STRADB: variants seen among roughly 807,000 people sequenced by gnomAD.
STRADB encodes STE20-related kinase adapter protein beta.
Under a neutral mutation model 52.1 loss-of-function variants are expected in STRADB, and 34 were observed. The ratio of observed to expected loss-of-function variants is 0.65; its 90% CI spans 0.50 to 0.87. STRADB has a LOEUF of 0.87. Ranked by LOEUF, STRADB falls within the 40% of genes least tolerant of loss-of-function variation. STRADB has a pLI of 0.00. For missense variants in STRADB, 340 were observed against 483.9 expected, an observed-to-expected ratio of 0.70 and a Z score of 2.79; for synonymous variants, 133 against 174.5, an observed-to-expected ratio of 0.76 and a Z score of 1.87.
intron 2 of STRADB, among the ~76,000 whole-genome samples, chr2:201,458,080 T>G (rs1952154846): frequency 6.6e-6 from 1 of 152,190 alleles, no homozygotes; most frequent in Non-Finnish European, 1.5e-5. Context: ...TATAAAAGCC[T>G]CTCATACAAT....
chr2:201,474,016 G>T (rs549157437), intron 5 of STRADB, among the ~76,000 whole-genome samples: 1 of 150,616 alleles, frequency 6.6e-6, no homozygotes. Context: ...CCAGCCTCCC[G>T]AGTAGCTGGG....
chr2:201,469,496 T>C (rs1280715363), intron 3 of STRADB, among the ~76,000 whole-genome samples: 1 of 152,202 alleles, frequency 6.6e-6, no homozygotes, highest in Non-Finnish European at 1.5e-5. Context: ...GCAATTTTAA[T>C]AGGCTGCAGT....
In STRADB at chr2:201,474,520, T is replaced by C. The variant is rs998417285; in HGVS notation, c.316-127T>C. 3 of 661,462 alleles carry C rather than the reference T, an allele frequency of 4.5e-6. No homozygotes were observed. In the African/African-American group the frequency reaches 5.7e-5, roughly 13 times the overall value. The allele number at this position is 661,462 out of a possible 1,614,324, so 41.0% of individuals were successfully genotyped here. On this transcript the variant is annotated intron_variant, in intron 5 of 11. Transcript: ENST00000194530. ...GGAGTGGTTGTGAGATTTAAATAGA[T>C]AAAAGCACTAAGAACAGTGCTTTCA... is the stretch of plus-strand genomic sequence containing the variant.
At chr2:201,453,674 T>G (rs113529877) in intron 1 of STRADB, among the ~76,000 whole-genome samples, 1 of 152,238 alleles carries the variant, frequency 6.6e-6, no homozygotes, top group African/African-American at 2.4e-5. Context: ...ATCAGTACAT[T>G]TGAGTGTACC....
chr2:201,462,507 C>A (rs1250568394), intron 3 of STRADB, among the ~76,000 whole-genome samples: 1 of 151,924 alleles, frequency 6.6e-6, no homozygotes, highest in African/African-American at 2.4e-5. Flanking sequence ...TTTTCTCTGG[C>A]AGTATGTTTT....
At chr2:201,471,393 C>T (rs1329045210) in intron 4 of STRADB, among the ~76,000 whole-genome samples, 1 of 152,188 alleles carries the variant, frequency 6.6e-6, no homozygotes, top group Non-Finnish European at 1.5e-5. Context: ...ACAACCTACC[C>T]TCCTTATTAC....
Position 201,478,089 on chromosome 2 carries a change from T to C in STRADB, c.723T>C (p.Asp241=). 1 of 1,605,844 alleles carries C rather than the reference T, an allele frequency of 6.2e-7. No homozygotes were observed. Among genetic ancestry groups the C allele is most frequent in the Non-Finnish European group, 8.5e-7 (1 of 1,177,076 alleles). Residue 241 remains aspartate (D), a splice_region_variant and synonymous_variant, in exon 9 of 12, where the codon GAT becomes GAC. Transcript: ENST00000194530. ...PWLSPELLRQ[D]LHGYNVKSDI... Reference sequence around the variant, plus strand: ...TTCAAATTAATTGTGTCCTACAGGATTTACATGGGTATAATGTGAAGTCAG... The same window carrying C: ...TTCAAATTAATTGTGTCCTACAGGACTTACATGGGTATAATGTGAAGTCAG...
At chr2:201,476,699 G>T (rs1952477783) in intron 7 of STRADB, among the ~76,000 whole-genome samples, 1 of 151,558 alleles carries the variant, frequency 6.6e-6, no homozygotes, top group Non-Finnish European at 1.5e-5. Context: ...AATTGGCCAG[G>T]CATGGTGGCT....
chr2:201,464,100 T>C (rs1315251107), intron 3 of STRADB, among the ~76,000 whole-genome samples: 1 of 152,104 alleles, frequency 6.6e-6, no homozygotes, highest in East Asian at 1.9e-4. Flanking sequence ...CTTTGCTCAT[T>C]TGGTGAAATC....
chr2:201,473,921 T>G (rs1006110271), intron 5 of STRADB, among the ~76,000 whole-genome samples: 33 of 150,456 alleles, frequency 2.2e-4, no homozygotes, highest in African/African-American at 8.1e-4. Context: ...GACGGAGTCT[T>G]GCTCAGTCGC....
chr2:201,479,543 TA>T lies in STRADB; in HGVS notation c.1113+13del. On this transcript the variant is annotated intron_variant, in intron 11 of 11. Coordinates refer to ENST00000194530, the MANE Select transcript of STRADB (RefSeq NM_018571.6). ...TTTTCTTCAAACAGGTGAGCTGATC[TA>T]TCATCCGTTGTCTCGATGTTTTTAA... 1 of 1,596,962 alleles carries T rather than the reference TA, an allele frequency of 6.3e-7. No individual in the cohort carries two copies. The highest frequency in any genetic ancestry group is 8.5e-7 in the Non-Finnish European group (1 of 1,175,968).
At chr2:201,470,274 AC>A (rs1158288799) in intron 4 of STRADB, among the ~76,000 whole-genome samples, 1 of 152,232 alleles carries the variant, frequency 6.6e-6, no homozygotes, top group African/African-American at 2.4e-5. Flanking sequence ...CCATTGAAGT[AC>A]ATTTAGATGA....
At chr2:201,474,254 C>G (rs1952438329) in intron 5 of STRADB, among the ~76,000 whole-genome samples, 1 of 152,092 alleles carries the variant, frequency 6.6e-6, no homozygotes, top group Non-Finnish European at 1.5e-5. Context: ...CTAGGAGAAA[C>G]TATACCAAAA....
At position 201,480,479 on chromosome 2, in the gene STRADB, T is replaced by C; in HGVS notation, c.*304T>C. 2.7e-6 allele frequency: 3 copies of C among 1,098,584 alleles called. No homozygotes were observed. The highest frequency in any genetic ancestry group is 3.3e-6 in the Non-Finnish European group (3 of 900,978). 68.1% of individuals were successfully genotyped at this position (1,098,584 alleles called of 1,614,324 possible). A position where few individuals can be genotyped will look rare whatever the true frequency, so the allele number is the denominator to read the frequency against. ...CAATATAATTTTTGAGCCAGTTAAT[T>C]TTTTTCAGTATTTTGCTGTCCCTTG... is the stretch of plus-strand genomic sequence containing the variant. On this transcript the variant is annotated 3_prime_UTR_variant, in exon 12 of 12. Coordinates refer to ENST00000194530, the MANE Select transcript of STRADB (RefSeq NM_018571.6).
intron 9 of STRADB, 66 bp downstream of exon 9, chr2:201,478,257 C>T (rs11686979): frequency 1.3e-6 from 2 of 1,589,166 alleles, no homozygotes; most frequent in South Asian, 2.3e-5. Flanking sequence ...TAGATAATTT[C>T]TGTTAAACAT....
intron 3 of STRADB, among the ~76,000 whole-genome samples, chr2:201,466,311 C>T (rs1308957675): frequency 6.6e-6 from 1 of 152,192 alleles, no homozygotes; most frequent in Non-Finnish European, 1.5e-5. Flanking sequence ...CAGGTTGGAG[C>T]CTTTTTATAA....
At chr2:201,462,095 T>C (rs1434648459) in intron 3 of STRADB, among the ~76,000 whole-genome samples, 1 of 152,210 alleles carries the variant, frequency 6.6e-6, no homozygotes, top group Non-Finnish European at 1.5e-5. Context: ...TGTAGTATAA[T>C]TTGAAGTGAG....
At chr2:201,475,976 G>A (rs1427814975) in intron 7 of STRADB, among the ~76,000 whole-genome samples, 2 of 152,174 alleles carry the variant, frequency 1.3e-5, no homozygotes, top group Non-Finnish European at 2.9e-5. Context: ...TTGGGGTGGA[G>A]TGCCTGCCCT....
chr2:201,473,951 C>T (rs1158331503), intron 5 of STRADB, among the ~76,000 whole-genome samples: 3 of 144,784 alleles, frequency 2.1e-5, no homozygotes, highest in Non-Finnish European at 3.0e-5. Context: ...AGTGCAGTGG[C>T]GCGATCTTGG....
Sources: gnomAD v4.1 joint callset for allele counts (sites outside exome capture counted in the v4.1 genomes callset) on GRCh38, gnomAD v4.1.1 for gene constraint, MANE v1.5 for transcripts, NCBI Gene and HGNC (gene_info 2026-07-23, HGNC 2026-07-21) for gene names.